The following AGBL4 variants were observed in gnomAD, a reference collection of about 807,000 sequenced individuals.
The protein encoded by AGBL4 is cytosolic carboxypeptidase 6.
Under a neutral mutation model 66.4 loss-of-function variants are expected in AGBL4, and 58 were observed. The observed-to-expected ratio is 0.87, with a 90% CI of 0.71 to 1.09. The LOEUF (loss-of-function observed/expected upper bound fraction) is 1.09. Among genes scored for constraint, AGBL4 ranks in the 50% least tolerant of loss-of-function variants. AGBL4 has a pLI of 0.00. For missense variants in AGBL4, 579 were observed against 631.0 expected, an observed-to-expected ratio of 0.92 and a Z score of 0.88; for synonymous variants, 234 against 222.9, an observed-to-expected ratio of 1.05 and a Z score of -0.44.
chr1:49,958,115 A>G (rs1372046370), intron 1 of AGBL4, among the ~76,000 whole-genome samples: 1 of 152,006 alleles, frequency 6.6e-6, no homozygotes, highest in Non-Finnish European at 1.5e-5. Context: ...TCCTTCACTT[A>G]TGAAGCTTAG....
chr1:48,821,048 T>C (rs1188130808), intron 6 of AGBL4, among the ~76,000 whole-genome samples: 3 of 151,976 alleles, frequency 2.0e-5, no homozygotes, highest in Non-Finnish European at 4.4e-5. Flanking sequence ...TAAAACCACA[T>C]TGAGATATCA....
At chr1:48,610,332 C>T (rs899396736) in intron 9 of AGBL4, among the ~76,000 whole-genome samples, 1 of 152,040 alleles carries the variant, frequency 6.6e-6, no homozygotes, top group African/African-American at 2.4e-5. Context: ...ATGAATTATC[C>T]CAGCTACCCA....
At chr1:49,569,413 G>A (rs1260418537) in intron 3 of AGBL4, among the ~76,000 whole-genome samples, 1 of 151,968 alleles carries the variant, frequency 6.6e-6, no homozygotes, top group Non-Finnish European at 1.5e-5. Context: ...TGAGGAGATG[G>A]ATACCCTATT....
rs1244170236 is a variant in AGBL4, at chr1:48,590,940, T to C, written c.997A>G (p.Met333Val). Residue 333 changes from methionine (M) to valine (V), a missense_variant, in exon 10 of 14, where the codon ATG becomes GTG. Transcript: ENST00000371839. Reference protein sequence around the residue: ...FYIDIHAHSTMMNGFMYGNIF... With the variant: ...FYIDIHAHSTVMNGFMYGNIF... ...TTGCCATACATGAAGCCATTCATCA[T>C]GGTGGAGTGGGCATGGATGTCAATA... is the stretch of plus-strand genomic sequence containing the variant. The C allele has an allele frequency of 2.5e-6, 4 of 1,610,898 alleles. No homozygotes were observed. The South Asian group carries it at 3.3e-5, about 13-fold the overall frequency.
chr1:49,407,820 G>A (rs1241233678), intron 3 of AGBL4, among the ~76,000 whole-genome samples: 4 of 152,178 alleles, frequency 2.6e-5, no homozygotes, highest in Non-Finnish European at 4.4e-5. Context: ...GAGGCATATC[G>A]GAAAGAGGAG....
intron 2 of AGBL4, among the ~76,000 whole-genome samples, chr1:49,756,610 T>C (rs868287660): frequency 6.6e-6 from 1 of 152,162 alleles, no homozygotes; most frequent in Non-Finnish European, 1.5e-5. Context: ...AATCCCCACA[T>C]GTTGTGGGAT....
intron 3 of AGBL4, among the ~76,000 whole-genome samples, chr1:49,652,089 G>A (rs12754527): frequency 0.69 from 104,311 of 152,026 alleles, 36,570 homozygotes; most frequent in African/African-American, 0.79. Context: ...CAAGCATAAG[G>A]AAGAATTTCA....
At chr1:49,983,603 G>T (rs1174924962) in intron 1 of AGBL4, among the ~76,000 whole-genome samples, 4 of 152,270 alleles carry the variant, frequency 2.6e-5, no homozygotes, top group African/African-American at 9.6e-5. Flanking sequence ...GGTGCCATTG[G>T]CTACAGAGGT....
At chr1:49,549,285 T>C (rs1652763243) in intron 3 of AGBL4, among the ~76,000 whole-genome samples, 1 of 151,964 alleles carries the variant, frequency 6.6e-6, no homozygotes, top group African/African-American at 2.4e-5. Flanking sequence ...CATTTAGTTC[T>C]GCCCTGATCT....
At chr1:49,502,806 A>G (rs755301914) in intron 3 of AGBL4, among the ~76,000 whole-genome samples, 1 of 152,064 alleles carries the variant, frequency 6.6e-6, no homozygotes, top group Non-Finnish European at 1.5e-5. Flanking sequence ...ATGATTTAGG[A>G]TATCTGGTGG....
At chr1:49,050,053 G>T (rs1394245568) in intron 4 of AGBL4, among the ~76,000 whole-genome samples, 2 of 152,140 alleles carry the variant, frequency 1.3e-5, no homozygotes, top group African/African-American at 4.8e-5. Flanking sequence ...ACCCCAGAAA[G>T]AAAATGGCAC....
At chr1:49,705,842 A>C (rs1363949777) in intron 2 of AGBL4, among the ~76,000 whole-genome samples, 1 of 152,056 alleles carries the variant, frequency 6.6e-6, no homozygotes, top group East Asian at 1.9e-4. Flanking sequence ...GTGATGGATT[A>C]TGTTCATTGA....
At chr1:49,925,930 C>T (rs1349811891) in intron 1 of AGBL4, among the ~76,000 whole-genome samples, 1 of 152,206 alleles carries the variant, frequency 6.6e-6, no homozygotes, top group Non-Finnish European at 1.5e-5. Context: ...ATCTTTGGAT[C>T]CACCTGGAGC....
intron 4 of AGBL4, among the ~76,000 whole-genome samples, chr1:49,126,804 T>C (rs1451703811): frequency 6.6e-6 from 1 of 152,144 alleles, no homozygotes; most frequent in Admixed American, 6.5e-5. Flanking sequence ...TGACTAGACA[T>C]AGCTCCCTAG....
intron 3 of AGBL4, among the ~76,000 whole-genome samples, chr1:49,566,712 G>C (rs1170420174): frequency 6.6e-6 from 1 of 152,196 alleles, no homozygotes; most frequent in Non-Finnish European, 1.5e-5. Context: ...GCCCCTACTG[G>C]GAGGTGCCTC....
rs186972165 is a variant in AGBL4 at position 48,822,923 on chromosome 1, C to T, written c.634+44268G>A. On this transcript the variant is annotated intron_variant, in intron 6 of 13. Coordinates refer to ENST00000371839, the MANE Select transcript of AGBL4 (RefSeq NM_032785.4). ...TTGGCCTTTTTGGCATCCACATTGCCTAAGTGGCATCAGAGTTGACCTAAT... is the reference window on the plus strand; with the variant it reads ...TTGGCCTTTTTGGCATCCACATTGCTTAAGTGGCATCAGAGTTGACCTAAT... 1.8e-3 allele frequency among the ~76,000 whole-genome samples: 274 copies of T among 152,274 alleles called. 2 individuals are homozygous for T. The highest frequency in any genetic ancestry group is 6.3e-3 in the African/African-American group (261 of 41,536).
chr1:49,014,997 C>G (rs968741419), intron 5 of AGBL4, among the ~76,000 whole-genome samples: 2 of 152,146 alleles, frequency 1.3e-5, no homozygotes, highest in Non-Finnish European at 2.9e-5. Flanking sequence ...TAGAAATCTG[C>G]ATAGTATTTT....
chr1:48,591,072 C>CA, intron 9 of AGBL4, 87 bp from the exon 10 acceptor site: 1 of 1,131,266 alleles, frequency 8.8e-7, no homozygotes, highest in Non-Finnish European at 1.2e-6. Context: ...CACACACACC[C>CA]CCCACACACA....
At chr1:49,410,213 G>C (rs1430166040) in intron 3 of AGBL4, among the ~76,000 whole-genome samples, 1 of 152,152 alleles carries the variant, frequency 6.6e-6, no homozygotes, top group Non-Finnish European at 1.5e-5. Flanking sequence ...TCCAGGATAT[G>C]GCCATGTTGT....
Sources: allele counts gnomAD v4.1 joint callset (sites outside exome capture counted in the v4.1 genomes callset), GRCh38; gene constraint gnomAD v4.1.1; transcripts MANE v1.5; gene names NCBI Gene and HGNC (gene_info 2026-07-23, HGNC 2026-07-21).